Variants in SLIT3 observed in about 807,000 individuals in gnomAD.
SLIT3 encodes the protein slit guidance ligand 3, also known as slit homolog 3 protein.
A neutral mutation model predicts 184.0 loss-of-function variants in SLIT3; 68 were observed. The ratio of observed to expected loss-of-function variants is 0.37; its 90% CI spans 0.30 to 0.45. The LOEUF is 0.45. Among genes scored for constraint, SLIT3 ranks in the 20% least tolerant of loss-of-function variants. The probability of loss-of-function intolerance (pLI) is 1.00; values close to 1 mark genes in which losing one functional copy is unlikely to be tolerated. For synonymous variants in SLIT3, 831 were observed against 828.6 expected, an observed-to-expected ratio of 1.00 and a Z score of -0.05; for missense variants, 1,707 against 2,026.0, an observed-to-expected ratio of 0.84 and a Z score of 3.02.
At chr5:168,721,530 G>C (rs1762940471) in intron 23 of SLIT3, among the ~76,000 whole-genome samples, 1 of 152,182 alleles carries the variant, frequency 6.6e-6, no homozygotes, top group African/African-American at 2.4e-5. Context: ...GGCAGGCGAG[G>C]AGAGTGGGCC....
At chr5:168,724,029 A>C (rs1009108820) in intron 21 of SLIT3, among the ~76,000 whole-genome samples, 1 of 152,190 alleles carries the variant, frequency 6.6e-6, no homozygotes, top group African/African-American at 2.4e-5. Flanking sequence ...TAGTGGGTAG[A>C]GGCCACAGAT....
intron 4 of SLIT3, among the ~76,000 whole-genome samples, chr5:168,933,662 C>T (rs934545850): frequency 1.3e-5 from 2 of 152,166 alleles, no homozygotes; most frequent in African/African-American, 2.4e-5. Flanking sequence ...TTAGTAAGTG[C>T]TGGAGCCAGA....
intron 4 of SLIT3, among the ~76,000 whole-genome samples, chr5:168,886,382 A>G (rs943330967): frequency 3.3e-5 from 5 of 152,120 alleles, no homozygotes; most frequent in Admixed American, 1.3e-4. Context: ...GAGAGTTCCT[A>G]ATAGTGTGTT....
At chr5:168,767,914 T>C (rs1755398515) in intron 14 of SLIT3, among the ~76,000 whole-genome samples, 1 of 152,152 alleles carries the variant, frequency 6.6e-6, no homozygotes, top group South Asian at 2.1e-4. Context: ...ACATCCAGAC[T>C]AGATTTGGGG....
chr5:169,039,871 G>C (rs1200775680), intron 4 of SLIT3, among the ~76,000 whole-genome samples: 1 of 152,174 alleles, frequency 6.6e-6, no homozygotes, highest in South Asian at 2.1e-4. Context: ...CCTACCTAAT[G>C]CAAGCGCCTC....
intron 4 of SLIT3, among the ~76,000 whole-genome samples, chr5:169,181,761 G>A (rs887774375): frequency 8.1e-5 from 12 of 148,050 alleles, no homozygotes; most frequent in Admixed American, 7.4e-4. Context: ...AAAAATTATT[G>A]AAGTTAGATT....
rs1761730110 is a variant in SLIT3, at chr5:168,685,946, T to G, written c.3315-19A>C. On this transcript the variant is annotated intron_variant, in intron 30 of 35. Transcript: ENST00000519560. ...GGGTCCACTGGAAGGCAGGAGAGAA[T>G]GGGGAGGGAGATAGGAGAATGGCCA... The G allele has an allele frequency of 6.3e-7, 1 of 1,593,384 alleles. No homozygotes were observed. The highest frequency in any genetic ancestry group is 1.3e-5 in the African/African-American group (1 of 74,374).
intron 4 of SLIT3, among the ~76,000 whole-genome samples, chr5:169,181,417 G>T (rs984715638): frequency 3.3e-5 from 5 of 152,102 alleles, no homozygotes; most frequent in African/African-American, 1.2e-4. Context: ...TTTCTCTCTA[G>T]ATTGCTACCA....
At chr5:168,953,819 CA>C in intron 4 of SLIT3, among the ~76,000 whole-genome samples, 1 of 152,218 alleles carries the variant, frequency 6.6e-6, no homozygotes, top group East Asian at 1.9e-4. Context: ...ATTGGGGCAA[CA>C]GAATCAAACA....
intron 4 of SLIT3, among the ~76,000 whole-genome samples, chr5:168,998,928 T>TGTGTGTGTGTGTGTG (rs57544185): frequency 6.6e-6 from 1 of 150,996 alleles, no homozygotes; most frequent in African/African-American, 2.4e-5. Context: ...TGTGTGTGTG[T>TGTGTGTGTGTGTGTG]TTTGAGACAG....
At chr5:168,929,403 T>C (rs1023574668) in intron 4 of SLIT3, among the ~76,000 whole-genome samples, 9 of 152,232 alleles carry the variant, frequency 5.9e-5, no homozygotes, top group African/African-American at 1.9e-4. Context: ...GACAATCCAA[T>C]GAGTAGTTGC....
intron 27 of SLIT3, among the ~76,000 whole-genome samples, chr5:168,698,537 T>A (rs750534351): frequency 6.6e-6 from 1 of 152,170 alleles, no homozygotes; most frequent in Non-Finnish European, 1.5e-5. Flanking sequence ...AGAGGGAGCA[T>A]GGCCCTGCTG....
At chr5:168,811,473 G>A (rs971676562) in intron 8 of SLIT3, among the ~76,000 whole-genome samples, 14 of 152,292 alleles carry the variant, frequency 9.2e-5, no homozygotes, top group Middle Eastern at 3.4e-3. Context: ...CTGCCAAAAG[G>A]AACCCCAAAT....
At chr5:168,830,457 A>T (rs1255388134) in intron 6 of SLIT3, among the ~76,000 whole-genome samples, 1 of 152,210 alleles carries the variant, frequency 6.6e-6, no homozygotes, top group Non-Finnish European at 1.5e-5. Flanking sequence ...ACCTAAGCAG[A>T]ATAGTATAGG....
intron 4 of SLIT3, among the ~76,000 whole-genome samples, chr5:168,978,010 C>G (rs1226915451): frequency 6.6e-6 from 1 of 152,160 alleles, no homozygotes; most frequent in Non-Finnish European, 1.5e-5. Flanking sequence ...TGAATCCAAC[C>G]TCCCAGCCTG....
chr5:169,084,815 C>T (rs895811415), intron 4 of SLIT3, among the ~76,000 whole-genome samples: 3 of 152,070 alleles, frequency 2.0e-5, no homozygotes, highest in African/African-American at 4.8e-5. Flanking sequence ...CCCAGAGGGG[C>T]GCAAATCAAA....
chr5:168,933,301 T>C (rs1762052771), intron 4 of SLIT3, among the ~76,000 whole-genome samples: 1 of 151,370 alleles, frequency 6.6e-6, no homozygotes, highest in Non-Finnish European at 1.5e-5. Flanking sequence ...CCTGGCACTT[T>C]GGGAGGCCAA....
chr5:169,161,289 G>T (rs1025709601), intron 4 of SLIT3, among the ~76,000 whole-genome samples: 3 of 152,174 alleles, frequency 2.0e-5, no homozygotes, highest in African/African-American at 7.2e-5. Context: ...GACATAGCTG[G>T]AATTCTCCCA....
chr5:168,837,278 C>G lies in SLIT3; in HGVS notation c.557+7306G>C, dbSNP rs986129099. Among the ~76,000 whole-genome samples, 5 of 152,230 alleles carry G rather than the reference C, an allele frequency of 3.3e-5. No homozygotes were observed. In the East Asian group the frequency reaches 9.6e-4, roughly 29 times the overall value. On this transcript the variant is annotated intron_variant, in intron 6 of 35. Coordinates refer to ENST00000519560, the MANE Select transcript of SLIT3 (RefSeq NM_003062.4). ...AGACTTTCATTAAGCCATGACAGTT[C>G]TATATTCAAAACTATGTCATGACTA...
Sources: gnomAD v4.1 joint callset for allele counts (sites outside exome capture counted in the v4.1 genomes callset) on GRCh38, gnomAD v4.1.1 for gene constraint, MANE v1.5 for transcripts, NCBI Gene and HGNC (gene_info 2026-07-23, HGNC 2026-07-21) for gene names.